DAPK2: variants seen among roughly 807,000 people sequenced by gnomAD.
DAPK2 encodes the protein death-associated protein kinase 2.
In DAPK2, 35 loss-of-function variants were observed where a neutral mutation model predicts 44.1. The ratio of observed to expected loss-of-function variants is 0.79; its 90% CI spans 0.61 to 1.05. The LOEUF (loss-of-function observed/expected upper bound fraction) is 1.05, where lower values mean the gene tolerates loss of function less well. DAPK2 is among the 50% of genes least tolerant of loss of function. DAPK2 has a pLI of 0.00. For missense variants in DAPK2, 453 were observed against 483.2 expected (o/e 0.94, Z 0.59); for synonymous variants, 174 against 182.6 (o/e 0.95, Z 0.38).
chr15:63,983,423 T>G, intron 2 of DAPK2, 110 bp downstream of exon 3: 8 of 953,880 alleles, frequency 8.4e-6, no homozygotes, highest in Non-Finnish European at 1.3e-5. Flanking sequence ...TCCTCTGGGC[T>G]GAGCTTAGGC....
At chr15:64,028,910 A>G (rs1291582470) in intron 1 of DAPK2, among the ~76,000 whole-genome samples, 1 of 152,084 alleles carries the variant, frequency 6.6e-6, no homozygotes, top group Admixed American at 6.5e-5. Flanking sequence ...GACTTTTGTT[A>G]TTCTTACAAC....
At chr15:63,983,279 A>G (rs1468043077) in intron 2 of DAPK2, among the ~76,000 whole-genome samples, 1 of 152,168 alleles carries the variant, frequency 6.6e-6, no homozygotes, top group African/African-American at 2.4e-5. Context: ...TGAAAGCCAG[A>G]CTTAGGCCAT....
At chr15:63,958,357 A>T (rs1458470528) in intron 3 of DAPK2, among the ~76,000 whole-genome samples, 1 of 152,066 alleles carries the variant, frequency 6.6e-6, no homozygotes, top group African/African-American at 2.4e-5. Flanking sequence ...CTTTAATTTA[A>T]TTAGCTCCCA....
rs989539065 is a variant in DAPK2 at position 63,908,764 on chromosome 15, T to C, written c.1033-164A>G. On this transcript the variant is annotated intron_variant, in intron 10 of 10. Coordinates refer to ENST00000261891, the Ensembl canonical transcript of DAPK2. This position sits in a 1 kb window ranked among gnomAD's most constrained non-coding sequence, Gnocchi z 5.7. The stretch of plus-strand genomic sequence containing the variant: ...GCTGATCCATCCAGGGGCTGGGGGA[T>C]GGGAGGGATCTGAAACGAGGCCAGA... 1.9e-5 allele frequency: 9 copies of C among 481,368 alleles called. No individual in the cohort carries two copies. Among genetic ancestry groups the C allele is most frequent in the Non-Finnish European group, 3.2e-5 (9 of 277,690 alleles). The allele number at this position is 481,368 out of a possible 1,614,324, so 29.8% of individuals were successfully genotyped here. A position where few individuals can be genotyped will look rare whatever the true frequency, so the allele number is the denominator to read the frequency against.
In DAPK2 at chr15:63,926,278, T is replaced by C. The variant is rs1021990906; in HGVS notation, c.660-185A>G. 2.8e-5 allele frequency: 16 copies of C among 564,760 alleles called. No individual in the cohort carries two copies. The African/African-American group carries it at 2.9e-4, about 10-fold the overall frequency. 35.0% of individuals were successfully genotyped at this position (564,760 alleles called of 1,614,324 possible). A position where few individuals can be genotyped will look rare whatever the true frequency, so the allele number is the denominator to read the frequency against. On this transcript the variant is annotated intron_variant, in intron 6 of 10. Coordinates refer to ENST00000261891, the Ensembl canonical transcript of DAPK2. ...CTAAGTCCAATTCAATACATGTTCATGGAGCTCCTCCTAAGCACCCGACAG... is the reference window on the plus strand; with the variant it reads ...CTAAGTCCAATTCAATACATGTTCACGGAGCTCCTCCTAAGCACCCGACAG...
At chr15:64,037,738 T>C (rs394679) in intron 1 of DAPK2, among the ~76,000 whole-genome samples, 125,210 of 152,146 alleles carry the variant, frequency 0.82, 51,823 homozygotes, top group East Asian at 0.92. Context: ...GACCCTTCCC[T>C]TCTCTGAGCC....
intron 4 of DAPK2, chr15:63,936,004 T>C (rs1329971087): frequency 6.6e-6 from 1 of 152,250 alleles, no homozygotes; most frequent in Non-Finnish European, 1.5e-5. Context: ...ACACCTCTTG[T>C]TGCTTGCTCA....
intron 3 of DAPK2, among the ~76,000 whole-genome samples, chr15:63,960,608 A>G (rs2077869775): frequency 6.6e-6 from 1 of 152,192 alleles, no homozygotes; most frequent in African/African-American, 2.4e-5. Flanking sequence ...TTCGTTATGT[A>G]CCCAGTAGTC....
chr15:64,000,982 C>T (rs867858363), intron 1 of DAPK2, among the ~76,000 whole-genome samples: 40 of 152,118 alleles, frequency 2.6e-4, no homozygotes, highest in South Asian at 1.0e-3. Flanking sequence ...CAGGTTCAAG[C>T]GATTCTCCTG....
At chr15:63,996,663 C>T (rs959271174) in intron 1 of DAPK2, among the ~76,000 whole-genome samples, 2 of 152,136 alleles carry the variant, frequency 1.3e-5, no homozygotes, top group Non-Finnish European at 1.5e-5. Context: ...AGCGTTCACT[C>T]CAGGACACGA....
intron 6 of DAPK2, chr15:63,926,301 CAG>C (rs904237476): frequency 1.0e-5 from 5 of 498,182 alleles, no homozygotes; most frequent in Non-Finnish European, 1.8e-5. Context: ...AAGCACCCGA[CAG>C]AGAGAAATTG....
At position 64,013,635 on chromosome 15, in the gene DAPK2, A is replaced by T. The variant is rs923800653; in HGVS notation, c.92+26535T>A. ...CAGAGAAGGAACTGAGCGCCAGATA[A>T]GAATGCATTCCTTCTAAAATGATTG... On this transcript the variant is annotated intron_variant, in intron 1 of 10. Transcript: ENST00000261891. The surrounding 1 kb of genome is among the most constrained non-coding windows in gnomAD (Gnocchi z 4.7). 6.6e-6 allele frequency among the ~76,000 whole-genome samples: 1 copy of T among 152,360 alleles called. No homozygotes were observed. Among genetic ancestry groups the T allele is most frequent in the African/African-American group, 2.4e-5 (1 of 41,590 alleles).
intron 2 of DAPK2, among the ~76,000 whole-genome samples, chr15:63,978,382 C>T (rs2078413256): frequency 6.6e-6 from 1 of 152,164 alleles, no homozygotes; most frequent in Non-Finnish European, 1.5e-5. Flanking sequence ...AGTGTAAAAG[C>T]TTCTTAGCTT....
chr15:64,036,305 G>GTATATATA (rs1247245619), intron 1 of DAPK2, among the ~76,000 whole-genome samples: 2,829 of 50,290 alleles, frequency 0.056, 102 homozygotes, highest in Non-Finnish European at 0.11. Flanking sequence ...GTGTGTGTGT[G>GTATATATA]TGTGTATATA....
intron 3 of DAPK2, among the ~76,000 whole-genome samples, chr15:63,941,003 G>A (rs960050774): frequency 3.9e-5 from 6 of 151,914 alleles, no homozygotes; most frequent in African/African-American, 7.3e-5. Flanking sequence ...CTTTGTAAAC[G>A]GTACACATTA....
intron 1 of DAPK2, among the ~76,000 whole-genome samples, chr15:63,991,598 C>T (rs2078821212): frequency 6.6e-6 from 1 of 152,150 alleles, no homozygotes; most frequent in Non-Finnish European, 1.5e-5. Context: ...CACCCACTGA[C>T]CGCCCCCACC....
chr15:63,976,721 A>C (rs2078359975), intron 2 of DAPK2, among the ~76,000 whole-genome samples: 1 of 152,262 alleles, frequency 6.6e-6, no homozygotes, highest in Admixed American at 6.5e-5. Flanking sequence ...AACAAACAAA[A>C]AAACAGGTTG....
intron 3 of DAPK2, among the ~76,000 whole-genome samples, chr15:63,953,854 A>G (rs2077653774): frequency 6.6e-6 from 1 of 152,122 alleles, no homozygotes. Flanking sequence ...TTTGATTTGC[A>G]TTTCTCTGAT....
chr15:64,044,826 G>A (rs891661859), upstream of DAPK2, among the ~76,000 whole-genome samples: 3 of 152,188 alleles, frequency 2.0e-5, no homozygotes, highest in South Asian at 6.2e-4. Context: ...CGGGACCACA[G>A]CAAGAGGGCA....
Sources: gnomAD v4.1 joint callset for allele counts (sites outside exome capture counted in the v4.1 genomes callset) on GRCh38, gnomAD v4.1.1 for gene constraint, Gnocchi (gnomAD v3.1) non-coding constraint, MANE v1.5 for transcripts, NCBI Gene and HGNC (gene_info 2026-07-23, HGNC 2026-07-21) for gene names.